KANK1: variants seen among roughly 807,000 people sequenced by gnomAD.
KANK1 encodes KN motif and ankyrin repeat domains 1.
In KANK1, 109 loss-of-function variants were observed where a neutral mutation model predicts 106.2. The observed-to-expected ratio is 1.03, with a 90% CI of 0.88 to 1.20. The LOEUF is 1.20. Among genes scored for constraint, KANK1 ranks in the 50% most tolerant of loss-of-function variants. KANK1 has a pLI of 0.00. For missense variants in KANK1, 2,399 were observed against 1,710.7 expected (o/e 1.40, Z -7.10); for synonymous variants, 873 against 652.2 (o/e 1.34, Z -5.16).
chr9:698,702 A>G (rs1331236983), intron 2 of KANK1, among the ~76,000 whole-genome samples: 1 of 152,164 alleles, frequency 6.6e-6, no homozygotes, highest in Non-Finnish European at 1.5e-5. Context: ...AACTTATCTT[A>G]CTATTACCAC....
intron 1 of KANK1, among the ~76,000 whole-genome samples, chr9:564,260 ACT>A (rs971815899): frequency 6.9e-4 from 104 of 151,820 alleles, no homozygotes; most frequent in African/African-American, 2.2e-3. Context: ...ACGGGGTTTC[ACT>A]GTGTTAGCCA....
intron 3 of KANK1, among the ~76,000 whole-genome samples, chr9:480,614 T>A (rs1432129867): frequency 6.6e-6 from 1 of 152,226 alleles, no homozygotes; most frequent in Non-Finnish European, 1.5e-5. Flanking sequence ...GCAGGTTAAT[T>A]TCAGTAGATG....
intron 1 of KANK1, among the ~76,000 whole-genome samples, chr9:635,608 C>A (rs543854968): frequency 2.7e-5 from 4 of 150,000 alleles, no homozygotes; most frequent in South Asian, 2.1e-4. Context: ...AGTAAGAATT[C>A]TATATGAGTA....
chr9:737,420 T>A, intron 7 of KANK1, among the ~76,000 whole-genome samples: 1 of 151,898 alleles, frequency 6.6e-6, no homozygotes, highest in East Asian at 1.9e-4. Flanking sequence ...TTTTAAAGAG[T>A]AAGCACAGCA....
intron 5 of KANK1, chr9:732,121 G>A (rs1483378629): frequency 2.6e-5 from 9 of 340,500 alleles, no homozygotes; most frequent in Non-Finnish European, 4.4e-5. Flanking sequence ...TTTATGCTAA[G>A]CCGGAGATGC....
intron 3 of KANK1, among the ~76,000 whole-genome samples, chr9:719,412 A>T (rs1828702162): frequency 6.6e-6 from 1 of 152,168 alleles, no homozygotes; most frequent in African/African-American, 2.4e-5. Context: ...GTAAGTTTAG[A>T]TGTTCTTTAA....
chr9:720,106 CTTG>C (rs1439363039), intron 3 of KANK1, among the ~76,000 whole-genome samples: 1 of 152,184 alleles, frequency 6.6e-6, no homozygotes, highest in Non-Finnish European at 1.5e-5. Flanking sequence ...ATTTCTGTCA[CTTG>C]TTGTCCTTTA....
chr9:579,862 C>T (rs1414132244), intron 1 of KANK1, among the ~76,000 whole-genome samples: 1 of 152,272 alleles, frequency 6.6e-6, no homozygotes, highest in East Asian at 1.9e-4. Context: ...CCTGAAAAAC[C>T]TCAGGCCAGA....
At chr9:745,108 AC>A (rs1244489638) in intron 11 of KANK1, 64 bp from the exon 12 acceptor site, 1 of 1,585,582 alleles carries the variant, frequency 6.3e-7, no homozygotes, top group Non-Finnish European at 8.6e-7. Context: ...ATCCTATGTC[AC>A]AGGGTACACA....
At chr9:663,507 A>G (rs1843842194) in intron 1 of KANK1, among the ~76,000 whole-genome samples, 1 of 152,240 alleles carries the variant, frequency 6.6e-6, no homozygotes, top group Non-Finnish European at 1.5e-5. Context: ...GAAGAAACAT[A>G]AAGTTGGTTA....
At chr9:690,718 G>C (rs1008664097) in intron 2 of KANK1, among the ~76,000 whole-genome samples, 36 of 152,310 alleles carry the variant, frequency 2.4e-4, no homozygotes, top group African/African-American at 6.3e-4. Flanking sequence ...AATGGAGCAG[G>C]CTCTCTGGGG....
chr9:493,734 A>G (rs1482652092), intron 3 of KANK1, among the ~76,000 whole-genome samples: 2 of 151,080 alleles, frequency 1.3e-5, no homozygotes, highest in East Asian at 2.0e-4. Flanking sequence ...TTTAGTAGAG[A>G]CAGGGTTTCA....
intron 1 of KANK1, among the ~76,000 whole-genome samples, chr9:573,062 A>G (rs1819618471): frequency 6.6e-6 from 1 of 152,168 alleles, no homozygotes; most frequent in African/African-American, 2.4e-5. Flanking sequence ...TTACTGGCAG[A>G]TATGGAAGAG....
chr9:526,695 C>T (rs930476779), intron 1 of KANK1, among the ~76,000 whole-genome samples: 1 of 151,834 alleles, frequency 6.6e-6, no homozygotes, highest in Non-Finnish European at 1.5e-5. Context: ...CCACCTGATT[C>T]CCTCTCCTCA....
chr9:573,614 G>A (rs16919987), intron 1 of KANK1, among the ~76,000 whole-genome samples: 1 of 152,034 alleles, frequency 6.6e-6, no homozygotes, highest in African/African-American at 2.4e-5. Flanking sequence ...GTCGGTATCA[G>A]TGAGAAAAGG....
chr9:623,537 C>T (rs1037575361), intron 1 of KANK1, among the ~76,000 whole-genome samples: 4 of 149,392 alleles, frequency 2.7e-5, no homozygotes, highest in East Asian at 2.0e-4. Context: ...CCGAAGAGGT[C>T]GAGACTGCAT....
At chr9:621,067 G>C (rs995985833) in intron 1 of KANK1, among the ~76,000 whole-genome samples, 2 of 152,088 alleles carry the variant, frequency 1.3e-5, no homozygotes, top group African/African-American at 4.8e-5. Flanking sequence ...AGAATGCCCA[G>C]TACTAGAAAT....
At chr9:668,565 A>G (rs2138466571) in intron 1 of KANK1, among the ~76,000 whole-genome samples, 1 of 151,870 alleles carries the variant, frequency 6.6e-6, no homozygotes, top group Admixed American at 6.5e-5. Flanking sequence ...TCTTCCTGTC[A>G]TCCTTTATGG....
chr9:499,494 T>C (rs1348415978), intron 3 of KANK1, among the ~76,000 whole-genome samples: 2 of 152,176 alleles, frequency 1.3e-5, no homozygotes, highest in Non-Finnish European at 2.9e-5. Flanking sequence ...ACAGTTCCAC[T>C]ATTGCCAGCC....
Sources: allele counts gnomAD v4.1 joint callset (sites outside exome capture counted in the v4.1 genomes callset), GRCh38; gene constraint gnomAD v4.1.1; transcripts MANE v1.5; gene names NCBI Gene and HGNC (gene_info 2026-07-23, HGNC 2026-07-21).